Variants in DLG2 observed in about 807,000 individuals in gnomAD.
The protein encoded by DLG2 is discs large MAGUK scaffold protein 2.
In DLG2, 45 loss-of-function variants were observed where a neutral mutation model predicts 132.5. That is an observed-to-expected ratio of 0.34 (90% confidence interval 0.27 to 0.44). The LOEUF (loss-of-function observed/expected upper bound fraction) is 0.44. Among genes scored for constraint, DLG2 ranks in the 20% least tolerant of loss-of-function variants. The pLI is 1.00. For synonymous variants in DLG2, 424 were observed against 419.6 expected (o/e 1.01, Z -0.13); for missense variants, 1,045 against 1,196.9 (o/e 0.87, Z 1.87).
intron 2 of DLG2, among the ~76,000 whole-genome samples, chr11:85,617,723 A>G: frequency 6.6e-6 from 1 of 152,188 alleles, no homozygotes; most frequent in East Asian, 1.9e-4. Flanking sequence ...CCTATGAGAG[A>G]TGTTTAAATA....
At chr11:84,883,307 TA>T (rs2087668904) in intron 6 of DLG2, among the ~76,000 whole-genome samples, 2 of 150,564 alleles carry the variant, frequency 1.3e-5, no homozygotes, top group Admixed American at 1.3e-4. Flanking sequence ...TGGGGCCTGT[TA>T]GGGGGTGGGG....
chr11:84,964,164 C>T (rs752587595), intron 6 of DLG2, among the ~76,000 whole-genome samples: 15 of 151,952 alleles, frequency 9.9e-5, no homozygotes, highest in Admixed American at 3.3e-4. Context: ...TATATTTGTT[C>T]ATTTTCCCTT....
intron 17 of DLG2, among the ~76,000 whole-genome samples, chr11:83,825,478 G>A (rs1464031228): frequency 1.3e-5 from 2 of 151,944 alleles, no homozygotes; most frequent in Admixed American, 1.3e-4. Context: ...ACTGTGCCCG[G>A]CCTAATTACT....
In DLG2 at chr11:84,281,524, C is replaced by T. The variant is rs370504678; in HGVS notation, c.520-30233G>A. On this transcript the variant is annotated intron_variant, in intron 7 of 27. Transcript: ENST00000376104. ...GTTACATATGTATACATGTGCCATG[C>T]TGGTGTGCTGCACCCATTAACTCAT... is the stretch of plus-strand genomic sequence containing the variant. 3.3e-5 allele frequency among the ~76,000 whole-genome samples: 5 copies of T among 151,738 alleles called. No homozygotes were observed. The East Asian group carries it at 9.7e-4, about 29-fold the overall frequency.
In DLG2 at chr11:84,280,484, G is replaced by C. The variant is rs190767061; in HGVS notation, c.520-29193C>G. 2.6e-3 allele frequency among the ~76,000 whole-genome samples: 393 copies of C among 151,874 alleles called. 1 individual carries two copies. The highest frequency in any genetic ancestry group is 9.0e-3 in the African/African-American group (373 of 41,424). ...GTGTTTTGCCATGTTGGCTAGGCTG[G>C]TCTCAAACTCCTGACCTCAGGTGAT... On this transcript the variant is annotated intron_variant, in intron 7 of 27. Transcript: ENST00000376104.
intron 9 of DLG2, among the ~76,000 whole-genome samples, chr11:84,114,405 T>C (rs1300837903): frequency 6.6e-6 from 1 of 152,246 alleles, no homozygotes; most frequent in African/African-American, 2.4e-5. Flanking sequence ...GCCAGCATTA[T>C]AATTTCTTGA....
rs562877599 is a variant in DLG2, at chr11:84,193,280, T to C, written c.574-29769A>G. ...TAGATAGTGATTCAGGGAGGCCAAT[T>C]TTAAGGGAAAACAACCCAGCCACAT... On this transcript the variant is annotated intron_variant, in intron 8 of 27. Coordinates refer to ENST00000376104, the MANE Select transcript of DLG2 (RefSeq NM_001142699.3). Among the ~76,000 whole-genome samples the C allele has an allele frequency of 2.0e-5, 3 of 152,116 alleles. No homozygotes were observed. In the East Asian group the frequency reaches 5.8e-4, roughly 29 times the overall value.
chr11:83,744,402 C>A (rs942174169), intron 18 of DLG2, among the ~76,000 whole-genome samples: 1 of 152,144 alleles, frequency 6.6e-6, no homozygotes, highest in Non-Finnish European at 1.5e-5. Context: ...AAGTACAGGG[C>A]AGAGATACAA....
At chr11:83,537,807 C>CAAAAAAAAAAAAAA (rs1164386994) in intron 20 of DLG2, among the ~76,000 whole-genome samples, 1 of 18,298 alleles carries the variant, frequency 5.5e-5, no homozygotes, top group African/African-American at 2.0e-4. Flanking sequence ...GACTCTGTCT[C>CAAAAAAAAAAAAAA]AAAAAAAAAA....
At chr11:85,397,885 C>T (rs2087573510) in intron 3 of DLG2, among the ~76,000 whole-genome samples, 1 of 152,122 alleles carries the variant, frequency 6.6e-6, no homozygotes, top group Non-Finnish European at 1.5e-5. Flanking sequence ...AGGAGGTTAA[C>T]AAGGATATCC....
chr11:84,276,569 C>T (rs181468308), intron 7 of DLG2, among the ~76,000 whole-genome samples: 76 of 152,312 alleles, frequency 5.0e-4, no homozygotes, highest in Middle Eastern at 3.4e-3. Flanking sequence ...CAGTGTGCAA[C>T]TGTCTCTGCC....
intron 4 of DLG2, among the ~76,000 whole-genome samples, chr11:85,190,095 C>T (rs999302208): frequency 5.3e-5 from 8 of 152,142 alleles, no homozygotes; most frequent in Non-Finnish European, 1.0e-4. Context: ...TTCATCCTAG[C>T]AAAGGATCAT....
At position 85,595,106 on chromosome 11, in the gene DLG2, T is replaced by C. The variant is rs138781400; in HGVS notation, c.40+3551A>G. Among the ~76,000 whole-genome samples, 102 of 150,750 alleles carry C rather than the reference T, an allele frequency of 6.8e-4. 1 individual carries two copies. The East Asian group carries it at 0.018, about 26-fold the overall frequency. The stretch of plus-strand genomic sequence containing the variant: ...AAAAAAGATAAATCTTGCTTCTTTA[T>C]CACCTAACTGAAGAACTGAAGAATA... On this transcript the variant is annotated intron_variant, in intron 3 of 27. Transcript: ENST00000376104.
At chr11:84,637,612 T>C (rs1242563615) in intron 6 of DLG2, among the ~76,000 whole-genome samples, 3 of 152,178 alleles carry the variant, frequency 2.0e-5, no homozygotes, top group Admixed American at 6.5e-5. Flanking sequence ...GGGAGAAAGA[T>C]TACTTCATTT....
At chr11:84,504,632 A>AC (rs1449676367) in intron 7 of DLG2, among the ~76,000 whole-genome samples, 1 of 45,608 alleles carries the variant, frequency 2.2e-5, no homozygotes, top group Non-Finnish European at 4.5e-5. Flanking sequence ...GAAATTGTGT[A>AC]ATTTTTTTTT....
intron 7 of DLG2, among the ~76,000 whole-genome samples, chr11:84,373,265 C>CAAACAAAAAAAAAAA (rs762481478): frequency 2.0e-5 from 2 of 98,090 alleles, no homozygotes; most frequent in African/African-American, 9.1e-5. Context: ...AAAAAAAAAA[C>CAAACAAAAAAAAAAA]AAAACAAAAA....
intron 23 of DLG2, 40 bp from the exon 24 acceptor site, chr11:83,471,767 G>T (rs1035871444): frequency 1.8e-5 from 28 of 1,559,408 alleles, no homozygotes; most frequent in Non-Finnish European, 2.4e-5. Context: ...AAGAGAAAGA[G>T]TTGGAAACAA....
intron 3 of DLG2, among the ~76,000 whole-genome samples, chr11:85,491,195 G>A (rs1391626120): frequency 6.6e-6 from 1 of 152,058 alleles, no homozygotes; most frequent in African/African-American, 2.4e-5. Context: ...AATAGATATA[G>A]AAAAGGCATT....
At chr11:84,345,941 T>G (rs1239971731) in intron 7 of DLG2, among the ~76,000 whole-genome samples, 2 of 152,212 alleles carry the variant, frequency 1.3e-5, no homozygotes, top group Non-Finnish European at 2.9e-5. Flanking sequence ...TTAAAAAGTT[T>G]GCTACCCTTT....
Sources: gnomAD v4.1 joint callset for allele counts (sites outside exome capture counted in the v4.1 genomes callset) on GRCh38, gnomAD v4.1.1 for gene constraint, MANE v1.5 for transcripts, NCBI Gene and HGNC (gene_info 2026-07-23, HGNC 2026-07-21) for gene names.